Variants in IL1RAPL2 observed in about 807,000 individuals in gnomAD.
The protein encoded by IL1RAPL2 is X-linked interleukin-1 receptor accessory protein-like 2.
Under a neutral mutation model 44.1 loss-of-function variants are expected in IL1RAPL2, and 3 were observed. That is an observed-to-expected ratio of 0.07 (90% CI 0.03 to 0.18). IL1RAPL2 has a LOEUF of 0.18. Ranked by LOEUF, IL1RAPL2 falls within the 10% of genes least tolerant of loss-of-function variation. The probability of loss-of-function intolerance (pLI) is 1.00; values close to 1 mark genes in which losing one functional copy is unlikely to be tolerated. For synonymous variants in IL1RAPL2, 181 were observed against 178.8 expected (o/e 1.01, Z -0.10); for missense variants, 391 against 496.4 (o/e 0.79, Z 2.02).
intron 5 of IL1RAPL2, chrX:105,407,181 T>G: frequency 2.1e-6 from 1 of 470,971 alleles, no homozygotes; most frequent in Non-Finnish European, 3.8e-6. Flanking sequence ...TTTAGAGGAT[T>G]ATGCTTGTTC....
At chrX:104,793,744 C>CA (rs746752542) in intron 2 of IL1RAPL2, among the ~76,000 whole-genome samples, 143 of 111,463 alleles carry the variant, frequency 1.3e-3, no homozygotes, top group Non-Finnish European at 6.6e-4. Context: ...TTCGAAACAA[C>CA]ACCTATTAAT....
At chrX:104,873,656 A>G (rs1310334786) in intron 2 of IL1RAPL2, among the ~76,000 whole-genome samples, 1 of 111,141 alleles carries the variant, frequency 9.0e-6, no homozygotes, top group African/African-American at 3.3e-5. Context: ...AAGTTCTAGG[A>G]AGCAGCACAT....
chrX:104,713,239 C>CT (rs1428902738), intron 2 of IL1RAPL2, among the ~76,000 whole-genome samples: 3 of 110,238 alleles, frequency 2.7e-5, no homozygotes, highest in Non-Finnish European at 5.7e-5. Context: ...GAATAATGGA[C>CT]TTGGTGACCC....
rs765452811 is a variant in IL1RAPL2 at position 105,031,729 on chromosome X, G to T, written c.83-163746G>T. ...TCTTTTTTGGTTGTGTCTCTGCCAG[G>T]CTTTGGTATCAGGATGATGCTGACC... On this transcript the variant is annotated intron_variant, in intron 2 of 10. Coordinates refer to ENST00000372582, the MANE Select transcript of IL1RAPL2 (RefSeq NM_017416.2). 4.5e-5 allele frequency among the ~76,000 whole-genome samples: 5 copies of T among 111,788 alleles called. No individual in the cohort carries two copies. The East Asian group carries it at 1.1e-3, about 25-fold the overall frequency.
chrX:105,237,619 C>T (rs1032875874), intron 4 of IL1RAPL2, among the ~76,000 whole-genome samples: 1 of 111,839 alleles, frequency 8.9e-6, no homozygotes, highest in Admixed American at 9.5e-5. Flanking sequence ...TTTTTCATGT[C>T]TTTTGGCTGC....
rs2035560471 is a variant in IL1RAPL2, at chrX:105,396,039, T to C, written c.698-88274T>C. Among the ~76,000 whole-genome samples the C allele has an allele frequency of 4.5e-5, 5 of 111,457 alleles. No homozygotes were observed. The South Asian group carries it at 1.9e-3, about 42-fold the overall frequency. ...AGCAGGAAAATGACCTAGTAGAATATGCATTTTAGAAAGGTCATTCTGGTA... is the reference window on the plus strand; with the variant it reads ...AGCAGGAAAATGACCTAGTAGAATACGCATTTTAGAAAGGTCATTCTGGTA... On this transcript the variant is annotated intron_variant, in intron 5 of 10. Transcript: ENST00000372582.
chrX:105,105,154 G>A (rs1378609591), intron 2 of IL1RAPL2, among the ~76,000 whole-genome samples: 5 of 111,452 alleles, frequency 4.5e-5, no homozygotes, highest in African/African-American at 6.5e-5. Flanking sequence ...TTATAGATGA[G>A]GATATGAGGC....
Position 105,682,909 on chromosome X carries a change from C to T in IL1RAPL2, c.773-34458C>T, listed in dbSNP as rs574370985. 9.0e-4 allele frequency among the ~76,000 whole-genome samples: 101 copies of T among 112,042 alleles called. No individual in the cohort carries two copies. The Admixed American group carries it at 9.4e-3, about 10-fold the overall frequency. ...ACTTGGGGAAGGCAAAAATAAAAAA[C>T]GTCATGGTATTTGAACATTTAAGAT... On this transcript the variant is annotated intron_variant, in intron 6 of 10. Transcript: ENST00000372582.
intron 5 of IL1RAPL2, among the ~76,000 whole-genome samples, chrX:105,401,136 A>G (rs55763642): frequency 0.19 from 21,448 of 111,188 alleles, 5,052 homozygotes; most frequent in African/African-American, 0.67. Context: ...AAACCTTCAT[A>G]GCCTAATCAC....
chrX:104,907,288 G>C (rs1350479061), intron 2 of IL1RAPL2, among the ~76,000 whole-genome samples: 4 of 111,371 alleles, frequency 3.6e-5, no homozygotes. Flanking sequence ...AGGGTTTTTT[G>C]TGTCTCTATT....
At chrX:105,079,146 A>G (rs746873239) in intron 2 of IL1RAPL2, among the ~76,000 whole-genome samples, 1 of 111,792 alleles carries the variant, frequency 8.9e-6, no homozygotes, top group African/African-American at 3.2e-5. Flanking sequence ...TGTAGACTGG[A>G]GCTCGCCAAA....
intron 1 of IL1RAPL2, among the ~76,000 whole-genome samples, chrX:104,587,552 A>G (rs773756413): frequency 5.3e-5 from 6 of 112,162 alleles, no homozygotes; most frequent in Non-Finnish European, 1.1e-4. Flanking sequence ...GAATCGCATG[A>G]GCACCCCTCC....
At chrX:105,064,935 A>T (rs1460483597) in intron 2 of IL1RAPL2, among the ~76,000 whole-genome samples, 1 of 111,992 alleles carries the variant, frequency 8.9e-6, no homozygotes, top group African/African-American at 3.2e-5. Flanking sequence ...CAAGGGCAGG[A>T]TCAAGATCGG....
rs2035191054 is a variant in IL1RAPL2 at position 105,355,041 on chromosome X, A to G, written c.697+87500A>G. 1.8e-5 allele frequency among the ~76,000 whole-genome samples: 2 copies of G among 111,420 alleles called. 1 individual carries two copies. The highest frequency in any genetic ancestry group is 1.9e-4 in the Admixed American group (2 of 10,389). On this transcript the variant is annotated intron_variant, in intron 5 of 10. Transcript: ENST00000372582. ...TTTAGCTCCCCAATTTATCCTGTAT[A>G]TGTCCACTTTAATTCTTCCACTGAA... is the stretch of plus-strand genomic sequence containing the variant.
chrX:105,540,869 A>AATAT lies in IL1RAPL2; in HGVS notation c.772+56485_772+56486insTATA, dbSNP rs1235547600. Among the ~76,000 whole-genome samples, 353 of 76,785 alleles carry AATAT rather than the reference A, an allele frequency of 4.6e-3. 61 individuals are homozygous for AATAT. The highest frequency in any genetic ancestry group is 5.6e-3 in the Non-Finnish European group (232 of 41,471). 66.7% of individuals were successfully genotyped at this position (76,785 alleles called of 115,157 possible). On this transcript the variant is annotated intron_variant, in intron 6 of 10. Transcript: ENST00000372582. ...CATACATATATTATATATGATATATAATACATACATATATTATATATGATA... is the reference window on the plus strand; with the variant it reads ...CATACATATATTATATATGATATATAATATATACATACATATATTATATATGATA...
At chrX:104,855,681 G>GTTTTTTTTTTTT (rs1556002120) in intron 2 of IL1RAPL2, among the ~76,000 whole-genome samples, 1 of 53,872 alleles carries the variant, frequency 1.9e-5, no homozygotes, top group African/African-American at 6.1e-5. Flanking sequence ...ATCTGGATCC[G>GTTTTTTTTTTTT]TTTTTTTTTT....
intron 2 of IL1RAPL2, among the ~76,000 whole-genome samples, chrX:105,125,722 A>G (rs1397390887): frequency 9.0e-6 from 1 of 110,533 alleles, no homozygotes; most frequent in Admixed American, 9.6e-5. Flanking sequence ...ACGAACTCAT[A>G]TCAAAAATAC....
At chrX:105,054,571 C>T (rs2031969398) in intron 2 of IL1RAPL2, among the ~76,000 whole-genome samples, 1 of 111,953 alleles carries the variant, frequency 8.9e-6, no homozygotes, top group Admixed American at 9.5e-5. Context: ...CATGTGCATA[C>T]CACCATGTCC....
intron 2 of IL1RAPL2, among the ~76,000 whole-genome samples, chrX:104,707,574 T>G (rs1021615196): frequency 9.8e-6 from 1 of 102,491 alleles, no homozygotes; most frequent in Non-Finnish European, 2.1e-5. Context: ...ATAATTTTAT[T>G]GTACACCAAA....
Sources: gnomAD v4.1 joint callset for allele counts (sites outside exome capture counted in the v4.1 genomes callset) on GRCh38, gnomAD v4.1.1 for gene constraint, MANE v1.5 for transcripts, NCBI Gene and HGNC (gene_info 2026-07-23, HGNC 2026-07-21) for gene names.